Variants in IMMP2L observed in about 807,000 individuals in gnomAD.
IMMP2L encodes the protein inner mitochondrial membrane peptidase subunit 2.
In IMMP2L, 18 loss-of-function variants were observed where a neutral mutation model predicts 19.3. That is an observed-to-expected ratio of 0.93 (90% CI 0.64 to 1.38). IMMP2L has a LOEUF of 1.38. Ranked by LOEUF, IMMP2L falls within the 40% of genes most tolerant of loss-of-function variation. IMMP2L has a pLI of 0.00. For synonymous variants in IMMP2L, 76 were observed against 73.0 expected, an observed-to-expected ratio of 1.04 and a Z score of -0.21; for missense variants, 233 against 218.2, an observed-to-expected ratio of 1.07 and a Z score of -0.43.
chr7:111,175,045 C>A (rs1002503681), intron 3 of IMMP2L, among the ~76,000 whole-genome samples: 4 of 151,798 alleles, frequency 2.6e-5, no homozygotes, highest in Non-Finnish European at 4.4e-5. Flanking sequence ...AAAATGATTT[C>A]TTTTGAAATA....
chr7:111,377,866 A>T (rs181325167), intron 3 of IMMP2L, among the ~76,000 whole-genome samples: 1,686 of 152,076 alleles, frequency 0.011, 35 homozygotes, highest in African/African-American at 0.037. Flanking sequence ...ATCCACATAT[A>T]TATCTTATCA....
chr7:111,240,286 C>T (rs969625568), intron 3 of IMMP2L, among the ~76,000 whole-genome samples: 17 of 152,088 alleles, frequency 1.1e-4, no homozygotes, highest in African/African-American at 4.1e-4. Flanking sequence ...AAAAACTGTT[C>T]TTCTAAAAAG....
intron 3 of IMMP2L, among the ~76,000 whole-genome samples, chr7:111,446,601 T>C (rs1380935145): frequency 6.6e-6 from 1 of 151,660 alleles, no homozygotes; most frequent in Non-Finnish European, 1.5e-5. Flanking sequence ...ACCACAAAGA[T>C]GGAGAAAAAA....
intron 5 of IMMP2L, among the ~76,000 whole-genome samples, chr7:110,824,821 C>A (rs1803322651): frequency 6.6e-6 from 1 of 152,062 alleles, no homozygotes; most frequent in Admixed American, 6.6e-5. Flanking sequence ...TTTATATATA[C>A]TTCCCATTTT....
At chr7:111,236,847 A>G (rs1394618908) in intron 3 of IMMP2L, among the ~76,000 whole-genome samples, 8 of 152,128 alleles carry the variant, frequency 5.3e-5, no homozygotes, top group Middle Eastern at 3.2e-3. Flanking sequence ...TGCCATTCTT[A>G]AAGGATCACT....
chr7:111,440,384 T>C (rs1412600250), intron 3 of IMMP2L, among the ~76,000 whole-genome samples: 1 of 151,874 alleles, frequency 6.6e-6, no homozygotes, highest in Non-Finnish European at 1.5e-5. Context: ...AGCAACAGGA[T>C]GGATATTGTT....
chr7:111,485,625 A>AAAAAAAAAC (rs1842590939), intron 3 of IMMP2L, among the ~76,000 whole-genome samples: 6 of 150,170 alleles, frequency 4.0e-5, no homozygotes, highest in African/African-American at 1.5e-4. Context: ...AAAAAAAAAA[A>AAAAAAAAAC]CACAGTTCAA....
At chr7:111,039,582 G>T (rs2129570622) in intron 3 of IMMP2L, among the ~76,000 whole-genome samples, 1 of 152,228 alleles carries the variant, frequency 6.6e-6, no homozygotes, top group Non-Finnish European at 1.5e-5. Context: ...AGGTCAGTGA[G>T]CTCTCCCCCC....
chr7:111,516,684 T>C (rs1845896935), intron 2 of IMMP2L, among the ~76,000 whole-genome samples: 1 of 152,136 alleles, frequency 6.6e-6, no homozygotes, highest in African/African-American at 2.4e-5. Flanking sequence ...CGTTTGTTGC[T>C]ATAAATACAA....
intron 4 of IMMP2L, among the ~76,000 whole-genome samples, chr7:110,891,473 T>C (rs527958216): frequency 6.6e-6 from 1 of 152,322 alleles, no homozygotes; most frequent in East Asian, 1.9e-4. Context: ...TTTCAGGTTT[T>C]CTATAGATAA....
At chr7:111,095,623 C>T (rs1171938935) in intron 3 of IMMP2L, among the ~76,000 whole-genome samples, 1 of 151,890 alleles carries the variant, frequency 6.6e-6, no homozygotes, top group Non-Finnish European at 1.5e-5. Context: ...GAGTTTTGCC[C>T]TGTTTTTAAA....
chr7:111,360,077 A>C (rs1254705221), intron 3 of IMMP2L, among the ~76,000 whole-genome samples: 1 of 152,074 alleles, frequency 6.6e-6, no homozygotes, highest in Admixed American at 6.6e-5. Context: ...CCACTCCATA[A>C]ATTTTAAAAA....
intron 4 of IMMP2L, among the ~76,000 whole-genome samples, chr7:110,955,657 C>A (rs1818284325): frequency 6.6e-6 from 1 of 151,940 alleles, no homozygotes; most frequent in Admixed American, 6.6e-5. Context: ...TGTACAAATA[C>A]CCTCTGTCCT....
intron 4 of IMMP2L, among the ~76,000 whole-genome samples, chr7:110,898,335 T>C (rs1324270748): frequency 6.6e-6 from 1 of 152,008 alleles, no homozygotes; most frequent in Non-Finnish European, 1.5e-5. Flanking sequence ...ACTGAATGCA[T>C]CAGTAAATAA....
chr7:110,886,768 A>C lies in IMMP2L; in HGVS notation c.306-73T>G. 3 of 706,766 alleles carry C rather than the reference A, an allele frequency of 4.2e-6. No homozygotes were observed. In the South Asian group the frequency reaches 5.1e-5, roughly 12 times the overall value. The allele number at this position is 706,766 out of a possible 1,614,324, so 43.8% of individuals were successfully genotyped here. On this transcript the variant is annotated intron_variant, in intron 4 of 5. Coordinates refer to ENST00000405709, the MANE Select transcript of IMMP2L (RefSeq NM_032549.4). ...AAACTGCTGGGCATACAAACTTAGG[A>C]ATGGTGAAAATATTATATAGATGTT...
intron 2 of IMMP2L, among the ~76,000 whole-genome samples, chr7:111,511,958 C>G (rs1398163370): frequency 6.6e-6 from 1 of 152,068 alleles, no homozygotes. Flanking sequence ...ACTTTCCCCA[C>G]CCCAGTTAGT....
chr7:110,983,683 T>C (rs540702907), intron 3 of IMMP2L, among the ~76,000 whole-genome samples: 2 of 152,014 alleles, frequency 1.3e-5, no homozygotes, highest in Non-Finnish European at 2.9e-5. Flanking sequence ...AGTGTTATGA[T>C]GAAGCACTGT....
chr7:111,093,756 C>T (rs534626163), intron 3 of IMMP2L, among the ~76,000 whole-genome samples: 182 of 152,238 alleles, frequency 1.2e-3, no homozygotes, highest in Non-Finnish European at 2.2e-3. Context: ...TCAGCACCTA[C>T]GAATGCCAGA....
At chr7:111,287,548 CA>C (rs58212392) in intron 3 of IMMP2L, among the ~76,000 whole-genome samples, 55,133 of 144,684 alleles carry the variant, frequency 0.38, 10,293 homozygotes, top group South Asian at 0.61. Context: ...GAATCCACAC[CA>C]AAAAAAAAAA....
Sources: gnomAD v4.1 joint callset for allele counts (sites outside exome capture counted in the v4.1 genomes callset) on GRCh38, gnomAD v4.1.1 for gene constraint, MANE v1.5 for transcripts, NCBI Gene and HGNC (gene_info 2026-07-23, HGNC 2026-07-21) for gene names.